TCF12: variants seen among roughly 807,000 people sequenced by gnomAD.
The protein encoded by TCF12 is transcription factor 12, also known as DNA-binding protein HTF4.
In TCF12, 45 loss-of-function variants were observed where a neutral mutation model predicts 86.0. The ratio of observed to expected loss-of-function variants is 0.52; its 90% CI spans 0.41 to 0.67. TCF12 has a LOEUF of 0.67. TCF12 is among the 30% of genes least tolerant of loss of function. The pLI is 0.00. For synonymous variants in TCF12, 330 were observed against 299.6 expected (o/e 1.10, Z -1.05); for missense variants, 881 against 859.9 (o/e 1.02, Z -0.31).
intron 5 of TCF12, among the ~76,000 whole-genome samples, chr15:57,131,104 G>T (rs898356971): frequency 3.3e-5 from 5 of 152,054 alleles, no homozygotes; most frequent in African/African-American, 4.8e-5. Context: ...CTGTGTCTTT[G>T]GGGGCAAAAG....
intron 3 of TCF12, among the ~76,000 whole-genome samples, chr15:57,030,536 T>C (rs1310280270): frequency 6.6e-6 from 1 of 152,194 alleles, no homozygotes; most frequent in Non-Finnish European, 1.5e-5. Context: ...CTGGCCTTTT[T>C]TATTTTTAAT....
At chr15:56,967,027 C>T (rs1205351068) in intron 3 of TCF12, among the ~76,000 whole-genome samples, 3 of 152,094 alleles carry the variant, frequency 2.0e-5, no homozygotes, top group Non-Finnish European at 1.5e-5. Flanking sequence ...GAGGCTGAGA[C>T]ATGAGAATCG....
intron 3 of TCF12, among the ~76,000 whole-genome samples, chr15:57,007,796 T>C (rs866343145): frequency 6.6e-5 from 9 of 136,690 alleles, no homozygotes; most frequent in African/African-American, 2.7e-4. Context: ...CTTTCTCTCT[T>C]TCTTTCTTTC....
intron 3 of TCF12, among the ~76,000 whole-genome samples, chr15:57,017,712 G>A (rs1450065226): frequency 6.9e-6 from 1 of 145,088 alleles, no homozygotes; most frequent in East Asian, 2.0e-4. Context: ...ATGTGAGAAG[G>A]TCTAATTTTC....
intron 3 of TCF12, among the ~76,000 whole-genome samples, chr15:56,935,828 A>G (rs376262621): frequency 3.3e-5 from 5 of 152,196 alleles, no homozygotes; most frequent in Admixed American, 1.3e-4. Context: ...ATGGCTGCAC[A>G]GTATTCTATC....
intron 13 of TCF12, among the ~76,000 whole-genome samples, chr15:57,248,729 A>AT: frequency 6.6e-6 from 1 of 152,356 alleles, no homozygotes; most frequent in South Asian, 2.1e-4. Context: ...TACAAACAAA[A>AT]TAAGTTTAAG....
chr15:57,022,138 T>C (rs1263285233), intron 3 of TCF12, among the ~76,000 whole-genome samples: 1 of 152,148 alleles, frequency 6.6e-6, no homozygotes, highest in Non-Finnish European at 1.5e-5. Context: ...TACACAGGTA[T>C]ACATGTGCCA....
rs947418972 is a variant in TCF12, at chr15:57,136,961, T to G, written c.326-29441T>G. Among the ~76,000 whole-genome samples the G allele has an allele frequency of 7.0e-4, 5 of 7,110 alleles. 1 individual carries two copies. The highest frequency in any genetic ancestry group is 3.8e-3 in the Admixed American group (2 of 520). 4.7% of individuals were successfully genotyped at this position (7,110 alleles called of 152,430 possible). A position where few individuals can be genotyped will look rare whatever the true frequency, so the allele number is the denominator to read the frequency against. On this transcript the variant is annotated intron_variant, in intron 5 of 20. Coordinates refer to ENST00000333725, the MANE Select transcript of TCF12 (RefSeq NM_207037.2). ...ACAATAGCCACTGCTTCTGGCAGTT[T>G]TTTTTTTTGTTTTTTTTTTTTTTTT...
chr15:57,160,326 G>T (rs114718814), intron 5 of TCF12, among the ~76,000 whole-genome samples: 4,459 of 152,148 alleles, frequency 0.029, 186 homozygotes, highest in African/African-American at 0.09. Flanking sequence ...CAGAGCAAAG[G>T]GGGGAAAAGT....
intron 16 of TCF12, among the ~76,000 whole-genome samples, chr15:57,257,007 G>T (rs1362453405): frequency 6.6e-6 from 1 of 152,152 alleles, no homozygotes; most frequent in Non-Finnish European, 1.5e-5. Flanking sequence ...AGCTTTGTAG[G>T]CTGTATAGTC....
intron 3 of TCF12, chr15:57,001,412 C>G (rs923628920): frequency 5.6e-6 from 1 of 179,576 alleles, no homozygotes. Context: ...AAAGGACGTT[C>G]TTCTACTTAC....
At chr15:57,223,911 GGGAAAACATGAAGTC>G (rs1334976943) in intron 8 of TCF12, among the ~76,000 whole-genome samples, 1 of 151,570 alleles carries the variant, frequency 6.6e-6, no homozygotes, top group Non-Finnish European at 1.5e-5. Flanking sequence ...TTTTATAATA[GGGAAAACATGAAGTC>G]ATTTTTAAAA....
chr15:57,234,846 G>A (rs1366463002), intron 12 of TCF12, among the ~76,000 whole-genome samples: 1 of 152,136 alleles, frequency 6.6e-6, no homozygotes, highest in East Asian at 1.9e-4. Flanking sequence ...CACTTTAGAT[G>A]ATTTTTTTTC....
At chr15:56,978,961 T>G (rs567238527) in intron 3 of TCF12, among the ~76,000 whole-genome samples, 1 of 152,358 alleles carries the variant, frequency 6.6e-6, no homozygotes, top group African/African-American at 2.4e-5. Context: ...TTTAATTGTG[T>G]AAAATGTGCT....
chr15:56,936,689 T>C (rs1460903705), intron 3 of TCF12, among the ~76,000 whole-genome samples: 2 of 152,180 alleles, frequency 1.3e-5, no homozygotes, highest in Admixed American at 6.5e-5. Flanking sequence ...TTTCGTTCTC[T>C]TACATGTGGT....
intron 3 of TCF12, among the ~76,000 whole-genome samples, chr15:57,013,876 T>A (rs1337999593): frequency 1.3e-5 from 2 of 152,264 alleles, no homozygotes; most frequent in Non-Finnish European, 2.9e-5. Flanking sequence ...TGCATTGCTC[T>A]TTTAAATGTA....
intron 3 of TCF12, among the ~76,000 whole-genome samples, chr15:57,013,230 C>T (rs2064944205): frequency 6.6e-6 from 1 of 152,114 alleles, no homozygotes; most frequent in Admixed American, 6.5e-5. Context: ...CTACTATATT[C>T]CAGGCAATGT....
At chr15:56,992,596 G>C (rs2063509443) in intron 3 of TCF12, among the ~76,000 whole-genome samples, 1 of 152,148 alleles carries the variant, frequency 6.6e-6, no homozygotes, top group Non-Finnish European at 1.5e-5. Flanking sequence ...TTATGCCATT[G>C]TGAATTTTAT....
chr15:56,970,818 G>C (rs1475254083), intron 3 of TCF12, among the ~76,000 whole-genome samples: 5 of 152,010 alleles, frequency 3.3e-5, no homozygotes, highest in Non-Finnish European at 2.9e-5. Flanking sequence ...GGGAACCTGA[G>C]GCAGAAGAAA....
Sources: gnomAD v4.1 joint callset for allele counts (sites outside exome capture counted in the v4.1 genomes callset) on GRCh38, gnomAD v4.1.1 for gene constraint, MANE v1.5 for transcripts, NCBI Gene and HGNC (gene_info 2026-07-23, HGNC 2026-07-21) for gene names.